Variants in DNAJC1 observed in about 807,000 individuals in gnomAD.
DNAJC1 encodes the protein DnaJ heat shock protein family (Hsp40) member C1, also known as dnaJ homolog subfamily C member 1.
A neutral mutation model predicts 76.6 loss-of-function variants in DNAJC1; 58 were observed. The ratio of observed to expected loss-of-function variants is 0.76; its 90% confidence interval spans 0.61 to 0.94. The LOEUF is 0.94. Ranked by LOEUF, DNAJC1 falls within the 40% of genes least tolerant of loss-of-function variation. DNAJC1 has a pLI of 0.00. For synonymous variants in DNAJC1, 258 were observed against 267.9 expected (o/e 0.96, Z 0.36); for missense variants, 689 against 677.3 (o/e 1.02, Z -0.19).
At chr10:21,867,432 T>A (rs1354869577) in intron 8 of DNAJC1, among the ~76,000 whole-genome samples, 1 of 152,080 alleles carries the variant, frequency 6.6e-6, no homozygotes, top group African/African-American at 2.4e-5. Context: ...AGTCTCTCAG[T>A]CATACTAGTC....
intron 1 of DNAJC1, among the ~76,000 whole-genome samples, chr10:21,992,653 C>T (rs868497934): frequency 3.3e-5 from 5 of 152,150 alleles, no homozygotes; most frequent in Non-Finnish European, 5.9e-5. Context: ...ATCTATTGCA[C>T]AGTGCTGCTC....
chr10:21,777,608 A>G (rs1160431777), intron 9 of DNAJC1, among the ~76,000 whole-genome samples: 1 of 152,200 alleles, frequency 6.6e-6, no homozygotes, highest in Non-Finnish European at 1.5e-5. Context: ...CTTTGAAGAT[A>G]TTATCAGATC....
At chr10:21,771,684 G>T (rs951103072) in intron 9 of DNAJC1, among the ~76,000 whole-genome samples, 1 of 152,086 alleles carries the variant, frequency 6.6e-6, no homozygotes, top group Non-Finnish European at 1.5e-5. Flanking sequence ...TTTTAGTAGA[G>T]ATAGGGTTTC....
chr10:21,902,630 A>G (rs1836677497), intron 7 of DNAJC1, among the ~76,000 whole-genome samples: 1 of 152,114 alleles, frequency 6.6e-6, no homozygotes, highest in South Asian at 2.1e-4. Flanking sequence ...AATCTGTTTG[A>G]GAATTACATC....
rs143259853 is a variant in DNAJC1, at chr10:21,979,072, T to C, written c.222+24141A>G. 2.0e-5 allele frequency among the ~76,000 whole-genome samples: 3 copies of C among 152,004 alleles called. No individual in the cohort carries two copies. The East Asian group carries it at 5.8e-4, about 29-fold the overall frequency. ...AGTTCGACTTGATTTTTTTTTCCCC[T>C]GGCACATTCATTTTTTTTTAATGAT... On this transcript the variant is annotated intron_variant, in intron 1 of 11. Transcript: ENST00000376980.
chr10:21,820,279 T>C (rs1320959105), intron 8 of DNAJC1, among the ~76,000 whole-genome samples: 1 of 152,090 alleles, frequency 6.6e-6, no homozygotes, highest in African/African-American at 2.4e-5. Context: ...CTGAAAAATA[T>C]TCTATGTCTG....
At chr10:21,967,507 C>T (rs1837912750) in intron 1 of DNAJC1, among the ~76,000 whole-genome samples, 1 of 152,172 alleles carries the variant, frequency 6.6e-6, no homozygotes, top group African/African-American at 2.4e-5. Flanking sequence ...TCCCTATTTA[C>T]CCATTGAGTT....
At position 21,759,445 on chromosome 10, in the gene DNAJC1, G is replaced by T; in HGVS notation, c.1321C>A (p.Arg441=). 6.2e-7 allele frequency: 1 copy of T among 1,614,070 alleles called. No individual in the cohort carries two copies. The highest frequency in any genetic ancestry group is 8.5e-7 in the Non-Finnish European group (1 of 1,180,040). Residue 441 remains arginine (R), a synonymous_variant, in exon 11 of 12, where the codon CGG becomes AGG. Coordinates refer to ENST00000376980, the MANE Select transcript of DNAJC1 (RefSeq NM_022365.4). ...CTGGCTGGCTTCCGCCTCCGAGGCC[G>T]GGCATCAGTGGCCCCGGTCTCCTGC... is the stretch of plus-strand genomic sequence containing the variant. ...GEQETGATDA[R]PRRRKPARLL... is the part of the protein sequence containing the mutation.
rs1590040566 is a variant in DNAJC1, at chr10:21,902,177, A to G, written c.820+2345T>C. ...GAATGTTTTTAATATGCTTTCTGGT[A>G]TTATTCCATTCTGAGTTTCAATAAC... On this transcript the variant is annotated intron_variant, in intron 7 of 11. Coordinates refer to ENST00000376980, the MANE Select transcript of DNAJC1 (RefSeq NM_022365.4). 2.0e-5 allele frequency among the ~76,000 whole-genome samples: 3 copies of G among 152,306 alleles called. No individual in the cohort carries two copies. In the South Asian group the frequency reaches 6.2e-4, roughly 32 times the overall value.
chr10:21,891,084 G>C (rs1836453221), intron 7 of DNAJC1, among the ~76,000 whole-genome samples: 1 of 152,094 alleles, frequency 6.6e-6, no homozygotes, highest in Non-Finnish European at 1.5e-5. Flanking sequence ...CAGCTACTCA[G>C]GAGGCTGAGG....
rs534412830 is a variant in DNAJC1 at position 21,932,671 on chromosome 10, T to C, written c.223-3530A>G. On this transcript the variant is annotated intron_variant, in intron 1 of 11. Coordinates refer to ENST00000376980, the MANE Select transcript of DNAJC1 (RefSeq NM_022365.4). ...CTCAAAGAGCTGTGGTTATTTTGTT[T>C]TGACCTCTCTGTTGGCTTAAACTGT... Among the ~76,000 whole-genome samples the C allele has an allele frequency of 2.8e-4, 43 of 152,348 alleles. No individual in the cohort carries two copies. In the South Asian group the frequency reaches 8.9e-3, roughly 32 times the overall value.
chr10:21,802,732 G>T (rs1459258105), intron 9 of DNAJC1, among the ~76,000 whole-genome samples: 1 of 152,164 alleles, frequency 6.6e-6, no homozygotes, highest in Non-Finnish European at 1.5e-5. Flanking sequence ...AGCAGAATCA[G>T]TTTACATCCT....
At chr10:21,838,271 T>A (rs1402482279) in intron 8 of DNAJC1, among the ~76,000 whole-genome samples, 1 of 152,250 alleles carries the variant, frequency 6.6e-6, no homozygotes, top group African/African-American at 2.4e-5. Context: ...CATTTTGTTC[T>A]GTACTAAGAA....
intron 6 of DNAJC1, among the ~76,000 whole-genome samples, chr10:21,909,439 G>A (rs1391001682): frequency 2.0e-5 from 3 of 152,082 alleles, no homozygotes; most frequent in Non-Finnish European, 2.9e-5. Context: ...TTTCCCTTAA[G>A]GAATATGTAA....
intron 9 of DNAJC1, among the ~76,000 whole-genome samples, chr10:21,766,897 G>A (rs1000673290): frequency 1.3e-5 from 2 of 151,218 alleles, no homozygotes; most frequent in African/African-American, 4.9e-5. Context: ...TTGAACCCAG[G>A]AGGCGGAGGT....
intron 8 of DNAJC1, among the ~76,000 whole-genome samples, chr10:21,810,409 G>T (rs1360768358): frequency 6.6e-6 from 1 of 152,044 alleles, no homozygotes; most frequent in Non-Finnish European, 1.5e-5. Flanking sequence ...GGGAGTTATT[G>T]AACATAATAT....
chr10:21,776,098 T>C (rs1448846302), intron 9 of DNAJC1, among the ~76,000 whole-genome samples: 1 of 152,084 alleles, frequency 6.6e-6, no homozygotes, highest in Non-Finnish European at 1.5e-5. Flanking sequence ...AAAACTAAAA[T>C]AGGTTGCATT....
intron 6 of DNAJC1, among the ~76,000 whole-genome samples, chr10:21,905,249 T>C (rs548863766): frequency 1.3e-5 from 2 of 150,152 alleles, no homozygotes; most frequent in South Asian, 4.2e-4. Flanking sequence ...AAGGCTTTAG[T>C]GGTGTACCAA....
chr10:21,983,503 T>C (rs924444204), intron 1 of DNAJC1, among the ~76,000 whole-genome samples: 32 of 152,094 alleles, frequency 2.1e-4, no homozygotes, highest in Non-Finnish European at 5.9e-5. Context: ...GGCAGGCAGA[T>C]CACTTGAGGC....
Sources: gnomAD v4.1 joint callset for allele counts (sites outside exome capture counted in the v4.1 genomes callset) on GRCh38, gnomAD v4.1.1 for gene constraint, MANE v1.5 for transcripts, NCBI Gene and HGNC (gene_info 2026-07-23, HGNC 2026-07-21) for gene names.